The following GBF1 variants were observed in gnomAD, a reference collection of about 807,000 sequenced individuals.
GBF1 encodes golgi brefeldin A resistant guanine nucleotide exchange factor 1, also known as Golgi-specific brefeldin A-resistance guanine nucleotide exchange factor 1.
A neutral mutation model predicts 210.5 loss-of-function variants in GBF1; 114 were observed. The ratio of observed to expected loss-of-function variants is 0.54; its 90% CI spans 0.47 to 0.63. The LOEUF is 0.63. GBF1 is among the 30% of genes least tolerant of loss of function. GBF1 has a pLI of 0.00. For synonymous variants in GBF1, 850 were observed against 889.2 expected (o/e 0.96, Z 0.78); for missense variants, 1,851 against 2,357.7 (o/e 0.79, Z 4.45).
At position 102,363,302 on chromosome 10, in the gene GBF1, C is replaced by T. The variant is rs766785877; in HGVS notation, c.1923C>T (p.Asp641=). 1 of 1,613,414 alleles carries T rather than the reference C, an allele frequency of 6.2e-7. No homozygotes were observed. Among genetic ancestry groups the T allele is most frequent in the Non-Finnish European group, 8.5e-7 (1 of 1,179,410 alleles). The stretch of plus-strand genomic sequence containing the variant: ...GGAAAGCTGTAGGCATGGCCTCAGA[C>T]ATCCCAGGCCTGCATCTGCCAGGTG... ...SDGKAVGMAS[D]IPGLHLPGGG... The change falls in exon 16 of 40, where the codon GAC becomes GAT. Residue 641 remains aspartate (D), a synonymous_variant. Transcript: ENST00000369983. This position sits in a 1 kb window ranked among gnomAD's most constrained non-coding sequence, Gnocchi z 4.2.
Position 102,281,252 on chromosome 10 carries a change from T to C in GBF1, c.163+21136T>C, listed in dbSNP as rs866341874. ...GGCAAAAATAATTACGTAAAGAAAA[T>C]CAACTCTATTGCAAGTCAGACATGA... On this transcript the variant is annotated intron_variant, in intron 3 of 39. Transcript: ENST00000369983. Among the ~76,000 whole-genome samples, 10 of 152,108 alleles carry C rather than the reference T, an allele frequency of 6.6e-5. 1 individual carries two copies. The highest frequency in any genetic ancestry group is 2.2e-4 in the African/African-American group (9 of 41,494).
At chr10:102,309,066 C>T (rs1261458667) in intron 3 of GBF1, among the ~76,000 whole-genome samples, 1 of 152,112 alleles carries the variant, frequency 6.6e-6, no homozygotes, top group Non-Finnish European at 1.5e-5. Context: ...GTGTCTTGAT[C>T]TGAGTGCCGA....
At chr10:102,375,671 G>C (rs567643996) in intron 30 of GBF1, 87 bp downstream of exon 30, 1 of 830,258 alleles carries the variant, frequency 1.2e-6, no homozygotes, top group East Asian at 2.6e-5. Flanking sequence ...ACAGGTTACT[G>C]TGTTCAGCAG....
intron 3 of GBF1, among the ~76,000 whole-genome samples, chr10:102,308,280 A>C (rs184134954): frequency 5.9e-5 from 9 of 152,040 alleles, no homozygotes; most frequent in African/African-American, 2.2e-4. Flanking sequence ...GAAAATTCTC[A>C]TAGTGGAATA....
At chr10:102,343,100 A>C (rs1273757161) in intron 3 of GBF1, among the ~76,000 whole-genome samples, 1 of 152,198 alleles carries the variant, frequency 6.6e-6, no homozygotes, top group Non-Finnish European at 1.5e-5. Flanking sequence ...TTCTCTGCTA[A>C]CTCTAGGCAG....
intron 6 of GBF1, among the ~76,000 whole-genome samples, chr10:102,352,232 C>A (rs566582469): frequency 5.3e-5 from 8 of 152,338 alleles, no homozygotes; most frequent in Admixed American, 4.6e-4. Context: ...TGACACCAAC[C>A]TGCAACCCCC....
intron 3 of GBF1, among the ~76,000 whole-genome samples, chr10:102,270,158 G>T (rs984582006): frequency 6.6e-6 from 1 of 151,868 alleles, no homozygotes; most frequent in Non-Finnish European, 1.5e-5. Context: ...GATTACAGGC[G>T]TGAACCACTG....
the GBF1 span, among the ~76,000 whole-genome samples, chr10:102,239,878 G>T: frequency 6.6e-6 from 1 of 152,210 alleles, no homozygotes; most frequent in Non-Finnish European, 1.5e-5. Context: ...AGTAAACCCG[G>T]CTGTTAGGTA....
intron 13 of GBF1, 22 bp from the exon 14 acceptor site, chr10:102,361,696 G>T (rs1404171993): frequency 1.3e-6 from 2 of 1,506,618 alleles, no homozygotes; most frequent in Non-Finnish European, 1.8e-6. Context: ...CACCCAAATG[G>T]CAATTACTGG....
At chr10:102,357,604 C>T (rs544617336) in intron 8 of GBF1, among the ~76,000 whole-genome samples, 3 of 152,130 alleles carry the variant, frequency 2.0e-5, no homozygotes, top group Admixed American at 6.5e-5. Flanking sequence ...GGAGGCTGCT[C>T]TACAAGCTAG....
At chr10:102,360,439 C>A in intron 12 of GBF1, 44 bp downstream of exon 12, 1 of 1,293,820 alleles carries the variant, frequency 7.7e-7, no homozygotes, top group Non-Finnish European at 1.1e-6. Context: ...CTTTCAAGGG[C>A]CAGGGGAACA....
chr10:102,370,368 T>G lies in GBF1; in HGVS notation c.3412-16T>G. 1 of 1,583,422 alleles carries G rather than the reference T, an allele frequency of 6.3e-7. No individual in the cohort carries two copies. Among genetic ancestry groups the G allele is most frequent in the South Asian group, 1.1e-5 (1 of 90,516 alleles). ...TTCTTTTCCATGCCTACTTTCCTGCTGCTGTTCCCCTTCAGGCTCTGGTCT... is the reference window on the plus strand; with the variant it reads ...TTCTTTTCCATGCCTACTTTCCTGCGGCTGTTCCCCTTCAGGCTCTGGTCT... On this transcript the variant is annotated splice_polypyrimidine_tract_variant and intron_variant, in intron 27 of 39. Transcript: ENST00000369983.
chr10:102,231,555 C>T, the GBF1 span: 1 of 1,436,186 alleles, frequency 7.0e-7, no homozygotes, highest in Middle Eastern at 2.3e-4. Flanking sequence ...GGAGGGCCCG[C>T]GCGGGTGCGA....
chr10:102,355,562 G>C (rs956393741), intron 8 of GBF1, among the ~76,000 whole-genome samples: 2 of 152,184 alleles, frequency 1.3e-5, no homozygotes, highest in African/African-American at 4.8e-5. Context: ...CAGCCTCTTG[G>C]CCCCTACTCC....
chr10:102,315,655 A>G (rs2078866173), intron 3 of GBF1, among the ~76,000 whole-genome samples: 1 of 152,184 alleles, frequency 6.6e-6, no homozygotes, highest in African/African-American at 2.4e-5. Flanking sequence ...TGCTCCTATG[A>G]AAATCTAATG....
rs769954472 is a variant in GBF1, at chr10:102,380,601, G to A, written c.5088G>A (p.Ser1696=). Residue 1696 remains serine (S), a synonymous_variant, in exon 38 of 40, where the codon TCG becomes TCA. Coordinates refer to ENST00000369983, the MANE Select transcript of GBF1 (RefSeq NM_001377137.1). ...CAGATGCACGGGGAGGCGGCCCCTCGGCCCTCTGGGAGATCACCTGGGAAC... is the reference window on the plus strand; with the variant it reads ...CAGATGCACGGGGAGGCGGCCCCTCAGCCCTCTGGGAGATCACCTGGGAAC... The part of the protein sequence containing the change: ...HSADARGGGP[S]ALWEITWERI... 15 of 1,613,888 alleles carry A rather than the reference G, an allele frequency of 9.3e-6. No individual in the cohort carries two copies. The highest frequency in any genetic ancestry group is 4.4e-5 in the South Asian group (4 of 91,076).
At chr10:102,365,632 C>T (rs2059872487) in intron 18 of GBF1, 33 bp downstream of exon 18, 1 of 1,566,846 alleles carries the variant, frequency 6.4e-7, no homozygotes, top group Non-Finnish European at 8.8e-7. Flanking sequence ...GGGATATAGC[C>T]AGGTATGGTG....
intron 3 of GBF1, among the ~76,000 whole-genome samples, chr10:102,317,707 C>T (rs114557567): frequency 5.3e-5 from 8 of 152,170 alleles, no homozygotes; most frequent in East Asian, 1.9e-4. Context: ...CTTTTTTTAG[C>T]GCACGCAAAC....
At chr10:102,330,554 C>T (rs114927933) in intron 3 of GBF1, among the ~76,000 whole-genome samples, 11,934 of 151,754 alleles carry the variant, frequency 0.079, 558 homozygotes, top group African/African-American at 0.13. Context: ...TGTGGTAGTA[C>T]ACGCCTGTAA....
Sources: gnomAD v4.1 joint callset for allele counts (sites outside exome capture counted in the v4.1 genomes callset) on GRCh38, gnomAD v4.1.1 for gene constraint, Gnocchi (gnomAD v3.1) non-coding constraint, MANE v1.5 for transcripts, NCBI Gene and HGNC (gene_info 2026-07-23, HGNC 2026-07-21) for gene names.